Variants in ANKRD22 observed in about 807,000 individuals in gnomAD.
ANKRD22 encodes the protein ankyrin repeat domain-containing protein 22.
A neutral mutation model predicts 25.7 loss-of-function variants in ANKRD22; 24 were observed. The ratio of observed to expected loss-of-function variants is 0.93; its 90% confidence interval spans 0.68 to 1.31. The LOEUF (loss-of-function observed/expected upper bound fraction) is 1.31, where lower values mean the gene tolerates loss of function less well. Among genes scored for constraint, ANKRD22 ranks in the 50% most tolerant of loss-of-function variants. ANKRD22 has a pLI of 0.00. For synonymous variants in ANKRD22, 84 were observed against 84.3 expected (o/e 1.00, Z 0.02); for missense variants, 214 against 227.1 (o/e 0.94, Z 0.37).
In ANKRD22 at chr10:88,833,098, C is replaced by T. The variant is rs17113476; in HGVS notation, c.22-1072G>A. Among the ~76,000 whole-genome samples the T allele has an allele frequency of 0.01, 1,582 of 152,276 alleles. 55 individuals carry two copies. The East Asian group carries it at 0.15, about 14-fold the overall frequency. On this transcript the variant is annotated intron_variant, in intron 1 of 5. Coordinates refer to ENST00000371930, the MANE Select transcript of ANKRD22 (RefSeq NM_144590.3). ...ATTATGTACAATCATGTATTTAGGG[C>T]TAGCATGAATCAGGAGAGGTTTGAG...
At chr10:88,838,262 T>G (rs1437560294) in intron 1 of ANKRD22, among the ~76,000 whole-genome samples, 1 of 152,068 alleles carries the variant, frequency 6.6e-6, no homozygotes, top group Non-Finnish European at 1.5e-5. Context: ...CAAACCTAGA[T>G]GAGGGAAGAG....
intron 1 of ANKRD22, among the ~76,000 whole-genome samples, chr10:88,842,186 T>C (rs987884977): frequency 7.9e-5 from 12 of 152,126 alleles, no homozygotes. Flanking sequence ...TTCACAGTAA[T>C]AATACCTACT....
chr10:88,830,612 A>G (rs1843894569), intron 2 of ANKRD22, among the ~76,000 whole-genome samples: 2 of 152,242 alleles, frequency 1.3e-5, no homozygotes, highest in Non-Finnish European at 2.9e-5. Context: ...ACTTCTACTG[A>G]TAAAATCTAT....
intron 5 of ANKRD22, 100 bp downstream of exon 5, chr10:88,823,180 G>C: frequency 7.8e-7 from 1 of 1,277,954 alleles, no homozygotes; most frequent in African/African-American, 1.5e-5. Flanking sequence ...TAATTTTACT[G>C]TTGTTTACGT....
intron 1 of ANKRD22, among the ~76,000 whole-genome samples, chr10:88,836,105 T>G (rs1843951970): frequency 6.6e-6 from 1 of 152,218 alleles, no homozygotes; most frequent in Non-Finnish European, 1.5e-5. Flanking sequence ...CCAAGACTAT[T>G]GCACACAATT....
intron 4 of ANKRD22, among the ~76,000 whole-genome samples, chr10:88,823,910 T>G (rs1843829412): frequency 6.6e-6 from 1 of 152,190 alleles, no homozygotes; most frequent in Non-Finnish European, 1.5e-5. Context: ...TCTGCCTTTT[T>G]GTTTTCCATT....
At chr10:88,838,177 A>G (rs1843971709) in intron 1 of ANKRD22, among the ~76,000 whole-genome samples, 1 of 152,222 alleles carries the variant, frequency 6.6e-6, no homozygotes, top group African/African-American at 2.4e-5. Flanking sequence ...AATGGCTTTG[A>G]AAACCAGGTT....
chr10:88,823,538 A>C (rs1843822087), intron 4 of ANKRD22, 160 bp from the exon 5 acceptor site: 1 of 624,726 alleles, frequency 1.6e-6, no homozygotes, highest in Non-Finnish European at 2.8e-6. Context: ...AGTACTTAAA[A>C]AATTTTTCGC....
At chr10:88,837,456 G>A (rs768462512) in intron 1 of ANKRD22, among the ~76,000 whole-genome samples, 1 of 152,112 alleles carries the variant, frequency 6.6e-6, no homozygotes, top group Non-Finnish European at 1.5e-5. Context: ...AGGATAGAGA[G>A]CATTAAGATG....
Position 88,822,784 on chromosome 10 carries a change from A to T in ANKRD22, c.*157T>A. 1.5e-6 allele frequency: 1 copy of T among 685,818 alleles called. No individual in the cohort carries two copies. Among genetic ancestry groups the T allele is most frequent in the Non-Finnish European group, 2.5e-6 (1 of 394,382 alleles). 42.5% of individuals were successfully genotyped at this position (685,818 alleles called of 1,614,324 possible). ...ACTTGACTGAGTAAACAATGCTATA[A>T]ATAAAAAGCTCTTCCAAAACATTAA... On this transcript the variant is annotated 3_prime_UTR_variant, in exon 6 of 6. Coordinates refer to ENST00000371930, the MANE Select transcript of ANKRD22 (RefSeq NM_144590.3).
At chr10:88,834,252 T>C (rs1453367592) in intron 1 of ANKRD22, among the ~76,000 whole-genome samples, 1 of 152,252 alleles carries the variant, frequency 6.6e-6, no homozygotes, top group East Asian at 1.9e-4. Flanking sequence ...CAATTAAATG[T>C]ATTTAAAACA....
rs1843808574 is a variant in ANKRD22, at chr10:88,822,544, C to CTTTGTTTTTTTTTTTTTTTTTTTT, written c.*396_*397insAAAAAAAAAAAAAAAAAAAACAAA. 1 of 36,438 alleles carries CTTTGTTTTTTTTTTTTTTTTTTTT rather than the reference C, an allele frequency of 2.7e-5. No homozygotes were observed. Among genetic ancestry groups the CTTTGTTTTTTTTTTTTTTTTTTTT allele is most frequent in the African/African-American group, 8.0e-5 (1 of 12,514 alleles). 2.3% of individuals were successfully genotyped at this position (36,438 alleles called of 1,614,324 possible). On this transcript the variant is annotated 3_prime_UTR_variant, in exon 6 of 6. Coordinates refer to ENST00000371930, the MANE Select transcript of ANKRD22 (RefSeq NM_144590.3). ...AAAGACTGAGTTTGGAACACCAGGG[C>CTTTGTTTTTTTTTTTTTTTTTTTT]TTTTTTTTTTTTTTTTTTTTTTGAG...
chr10:88,848,848 C>T (rs890204100), intron 1 of ANKRD22, among the ~76,000 whole-genome samples: 3 of 152,172 alleles, frequency 2.0e-5, no homozygotes, highest in Non-Finnish European at 4.4e-5. Flanking sequence ...TCCAATAAAA[C>T]TTGCTTGATC....
chr10:88,851,708 C>G lies in ANKRD22; in HGVS notation c.-101G>C. The G allele has an allele frequency of 1.2e-5, 17 of 1,434,324 alleles. No individual in the cohort carries two copies. The South Asian group carries it at 1.9e-4, about 16-fold the overall frequency. The allele number at this position is 1,434,324 out of a possible 1,614,324, so 88.8% of individuals were successfully genotyped here. A position where few individuals can be genotyped will look rare whatever the true frequency, so the allele number is the denominator to read the frequency against. Reference sequence around the variant, plus strand: ...TCCTTCCTGGCTGAGAGGAAAGTCCCTAGAAGTCCAAGCTGGTGGCAAGCT... The same window carrying G: ...TCCTTCCTGGCTGAGAGGAAAGTCCGTAGAAGTCCAAGCTGGTGGCAAGCT... On this transcript the variant is annotated 5_prime_UTR_variant, in exon 1 of 6. Transcript: ENST00000371930.
chr10:88,826,895 T>C (rs920867220), intron 3 of ANKRD22, among the ~76,000 whole-genome samples: 2 of 152,246 alleles, frequency 1.3e-5, no homozygotes, highest in African/African-American at 4.8e-5. Context: ...TGTTCATCAT[T>C]GTGTCCCTAA....
chr10:88,843,306 C>T (rs1172522763), intron 1 of ANKRD22, among the ~76,000 whole-genome samples: 1 of 152,114 alleles, frequency 6.6e-6, no homozygotes, highest in Non-Finnish European at 1.5e-5. Context: ...AAGACCTCAT[C>T]CCACCTTGTT....
chr10:88,831,916 CA>C lies in ANKRD22; in HGVS notation c.131del (p.Leu44ArgfsTer10), dbSNP rs1341821187. Reference sequence around the variant, plus strand: ...CATGCCCTCGCCTGCAAGCACAGATCAGGGGCGTGTCTCCATTAAAGCCATC... The same window carrying C: ...CATGCCCTCGCCTGCAAGCACAGATCGGGGCGTGTCTCCATTAAAGCCATC... Reference protein sequence around the residue: ...VQDGFNGDTPLICACRRGHVR... With the variant: ...VQDGFNGDTPXICACRRGHVR... On this transcript the variant is annotated frameshift_variant, in exon 2 of 6. Transcript: ENST00000371930. LOFTEE classifies it high-confidence loss of function. 4 of 1,613,816 alleles carry C rather than the reference CA, an allele frequency of 2.5e-6. No homozygotes were observed. In the African/African-American group the frequency reaches 5.3e-5, roughly 22 times the overall value.
At chr10:88,842,601 C>A (rs1240236723) in intron 1 of ANKRD22, among the ~76,000 whole-genome samples, 3 of 152,114 alleles carry the variant, frequency 2.0e-5, no homozygotes, top group Non-Finnish European at 4.4e-5. Flanking sequence ...TAGATACTCA[C>A]AAGAGGTACA....
In ANKRD22 at chr10:88,851,611, G is replaced by A. The variant is rs200029497; in HGVS notation, c.-4C>T. 183 of 1,613,110 alleles carry A rather than the reference G, an allele frequency of 1.1e-4. No individual in the cohort carries two copies. Among genetic ancestry groups the A allele is most frequent in the Non-Finnish European group, 1.5e-4 (174 of 1,179,466 alleles). Reference sequence around the variant, plus strand: ...CCTCAGAGTATAGGATTCCCATGCTGGTCCTTCACAGGCTTACTTCACCTC... The same window carrying A: ...CCTCAGAGTATAGGATTCCCATGCTAGTCCTTCACAGGCTTACTTCACCTC... On this transcript the variant is annotated 5_prime_UTR_variant, in exon 1 of 6. Coordinates refer to ENST00000371930, the MANE Select transcript of ANKRD22 (RefSeq NM_144590.3).
Sources: gnomAD v4.1 joint callset for allele counts (sites outside exome capture counted in the v4.1 genomes callset) on GRCh38, gnomAD v4.1.1 for gene constraint, MANE v1.5 for transcripts, NCBI Gene and HGNC (gene_info 2026-07-23, HGNC 2026-07-21) for gene names.